GRIK2: variants seen among roughly 807,000 people sequenced by gnomAD.
GRIK2 encodes glutamate ionotropic receptor kainate type subunit 2.
GRIK2 carries 32 observed loss-of-function variants against 100.3 expected under a neutral mutation model. The observed-to-expected ratio is 0.32, with a 90% confidence interval of 0.24 to 0.43. GRIK2 has a LOEUF of 0.43. Ranked by LOEUF, GRIK2 falls within the 20% of genes least tolerant of loss-of-function variation. GRIK2 has a pLI of 1.00. For missense variants in GRIK2, 843 were observed against 1,114.9 expected, an observed-to-expected ratio of 0.76 and a Z score of 3.47; for synonymous variants, 417 against 389.4, an observed-to-expected ratio of 1.07 and a Z score of -0.83.
At chr6:101,687,447 A>G (rs1262049239) in intron 7 of GRIK2, among the ~76,000 whole-genome samples, 1 of 151,970 alleles carries the variant, frequency 6.6e-6, no homozygotes, top group East Asian at 1.9e-4. Context: ...AACATCCTCT[A>G]TCCTTACATG....
chr6:101,947,661 T>C (rs886461001), intron 14 of GRIK2, among the ~76,000 whole-genome samples: 13 of 152,188 alleles, frequency 8.5e-5, no homozygotes, highest in Non-Finnish European at 4.4e-5. Flanking sequence ...ATGCATATAA[T>C]TTTGGATAAA....
intron 2 of GRIK2, among the ~76,000 whole-genome samples, chr6:101,492,119 G>T (rs1405181380): frequency 1.3e-5 from 2 of 151,546 alleles, no homozygotes; most frequent in African/African-American, 2.4e-5. Context: ...ATTGCTTTTG[G>T]CATTATCAAG....
At position 101,487,489 on chromosome 6, in the gene GRIK2, T is replaced by G. The variant is rs1013550820; in HGVS notation, c.115+88097T>G. 3.4e-5 allele frequency among the ~76,000 whole-genome samples: 5 copies of G among 146,880 alleles called. 1 individual carries two copies. The highest frequency in any genetic ancestry group is 1.3e-4 in the African/African-American group (5 of 38,638). On this transcript the variant is annotated intron_variant, in intron 2 of 16. Transcript: ENST00000369134. ...TGAATGGAAGTCATTATTTTTCACT[T>G]TTATGAGGATACTTGTTTTCTATTC...
At chr6:101,510,519 T>G (rs1256353282) in intron 2 of GRIK2, among the ~76,000 whole-genome samples, 5 of 137,082 alleles carry the variant, frequency 3.6e-5, no homozygotes, top group Non-Finnish European at 4.7e-5. Context: ...AGTTTTTTTT[T>G]TTTTTTTTTT....
chr6:101,484,436 G>A (rs1376310940), intron 2 of GRIK2, among the ~76,000 whole-genome samples: 1 of 152,000 alleles, frequency 6.6e-6, no homozygotes, highest in Non-Finnish European at 1.5e-5. Context: ...TTTCCTTGGG[G>A]ATGCTATCAG....
intron 7 of GRIK2, among the ~76,000 whole-genome samples, chr6:101,776,292 C>T (rs1447246176): frequency 1.3e-5 from 2 of 152,060 alleles, no homozygotes; most frequent in African/African-American, 4.8e-5. Context: ...TTTTGATTAC[C>T]CTTATTAATT....
intron 2 of GRIK2, among the ~76,000 whole-genome samples, chr6:101,477,091 T>C (rs1415272644): frequency 6.6e-6 from 1 of 152,168 alleles, no homozygotes; most frequent in Non-Finnish European, 1.5e-5. Context: ...TGTTTTTATA[T>C]ATTTAAGAAA....
At chr6:101,848,950 T>G (rs904859629) in intron 10 of GRIK2, among the ~76,000 whole-genome samples, 3 of 152,050 alleles carry the variant, frequency 2.0e-5, no homozygotes, top group African/African-American at 7.2e-5. Flanking sequence ...TTGGGTGTTT[T>G]TCATCATTTG....
At chr6:101,895,688 G>A (rs1047838121) in intron 12 of GRIK2, among the ~76,000 whole-genome samples, 4 of 151,672 alleles carry the variant, frequency 2.6e-5, no homozygotes, top group Non-Finnish European at 5.9e-5. Flanking sequence ...GTTTGTCTTT[G>A]CCACCAACTT....
At chr6:101,722,311 C>T (rs1774539333) in intron 7 of GRIK2, among the ~76,000 whole-genome samples, 1 of 151,880 alleles carries the variant, frequency 6.6e-6, no homozygotes, top group South Asian at 2.1e-4. Flanking sequence ...AACAAACAAA[C>T]AACAACAAAA....
intron 7 of GRIK2, among the ~76,000 whole-genome samples, chr6:101,796,710 G>T (rs1562395057): frequency 1.3e-5 from 2 of 152,152 alleles, no homozygotes; most frequent in East Asian, 1.9e-4. Flanking sequence ...TTTTCTCAAG[G>T]ATTTATATTT....
intron 2 of GRIK2, among the ~76,000 whole-genome samples, chr6:101,420,290 G>A (rs1453434456): frequency 6.6e-6 from 1 of 152,146 alleles, no homozygotes; most frequent in Non-Finnish European, 1.5e-5. Flanking sequence ...AGTTTTCCAT[G>A]TACACTTTTG....
chr6:101,599,522 A>T (rs1367967494), intron 2 of GRIK2, among the ~76,000 whole-genome samples: 1 of 151,694 alleles, frequency 6.6e-6, no homozygotes, highest in Non-Finnish European at 1.5e-5. Context: ...GAACTAATTT[A>T]TGTTCCCACC....
chr6:101,897,202 T>G (rs1279712132), intron 12 of GRIK2, among the ~76,000 whole-genome samples: 2 of 151,864 alleles, frequency 1.3e-5, no homozygotes, highest in African/African-American at 4.8e-5. Context: ...AGAATAATAC[T>G]GGTTTATCTT....
At chr6:101,626,948 A>G (rs1413800406) in intron 4 of GRIK2, among the ~76,000 whole-genome samples, 1 of 151,832 alleles carries the variant, frequency 6.6e-6, no homozygotes, top group Admixed American at 6.6e-5. Context: ...ATAGATACAC[A>G]CACACGTACA....
intron 2 of GRIK2, among the ~76,000 whole-genome samples, chr6:101,572,250 C>A (rs185732001): frequency 6.6e-6 from 1 of 151,976 alleles, no homozygotes; most frequent in South Asian, 2.1e-4. Context: ...CTTTCTAATG[C>A]CTTTTTATGT....
chr6:101,961,249 C>T (rs1448231752), intron 14 of GRIK2, among the ~76,000 whole-genome samples: 1 of 152,092 alleles, frequency 6.6e-6, no homozygotes, highest in Non-Finnish European at 1.5e-5. Context: ...AAAATGACCT[C>T]GGGAGAAACC....
intron 14 of GRIK2, among the ~76,000 whole-genome samples, chr6:102,010,959 T>C (rs1275752858): frequency 6.6e-6 from 1 of 152,188 alleles, no homozygotes. Context: ...TGGTGGCTTT[T>C]AAATCTTGGC....
chr6:101,960,472 T>C (rs1266215426), intron 14 of GRIK2, among the ~76,000 whole-genome samples: 3 of 152,182 alleles, frequency 2.0e-5, no homozygotes, highest in Admixed American at 1.3e-4. Context: ...ATTTATTTTT[T>C]AATTTACTTT....
Sources: gnomAD v4.1 joint callset for allele counts (sites outside exome capture counted in the v4.1 genomes callset) on GRCh38, gnomAD v4.1.1 for gene constraint, MANE v1.5 for transcripts, NCBI Gene and HGNC (gene_info 2026-07-23, HGNC 2026-07-21) for gene names.